The following CNTNAP2 variants were observed in gnomAD, a reference collection of about 807,000 sequenced individuals.
CNTNAP2 encodes the protein contactin associated protein 2.
A neutral mutation model predicts 155.2 loss-of-function variants in CNTNAP2; 98 were observed. The ratio of observed to expected loss-of-function variants is 0.63; its 90% confidence interval spans 0.54 to 0.75. The LOEUF (loss-of-function observed/expected upper bound fraction) is 0.75, where lower values mean the gene tolerates loss of function less well. CNTNAP2 is among the 30% of genes least tolerant of loss of function. The pLI, the probability that CNTNAP2 is intolerant of heterozygous loss-of-function variation, is 0.00. For missense variants in CNTNAP2, 1,727 were observed against 1,688.1 expected, an observed-to-expected ratio of 1.02 and a Z score of -0.40; for synonymous variants, 651 against 631.2, an observed-to-expected ratio of 1.03 and a Z score of -0.47.
At chr7:148,038,826 AGATGGATGGATG>A (rs58688357) in intron 15 of CNTNAP2, among the ~76,000 whole-genome samples, 67 of 147,818 alleles carry the variant, frequency 4.5e-4, no homozygotes, top group East Asian at 2.8e-3. Flanking sequence ...ATGGATGGAT[AGATGGATGGATG>A]GATGGATGGA....
intron 1 of CNTNAP2, among the ~76,000 whole-genome samples, chr7:146,506,147 G>C (rs924637233): frequency 9.2e-5 from 14 of 152,140 alleles, no homozygotes; most frequent in Non-Finnish European, 1.8e-4. Context: ...TGAATTGTAT[G>C]TTGTTGGTTG....
In CNTNAP2 at chr7:147,629,406, AAATAATAATAATAATAATAATAAT is replaced by A. The variant is rs56977512; in HGVS notation, c.1898-9680_1898-9657del. The stretch of plus-strand genomic sequence containing the variant: ...CAACAAGAGCAAAACTCTGTCTCAA[AAATAATAATAATAATAATAATAAT>A]AATAATAATAATAATAATAGACATA... On this transcript the variant is annotated intron_variant, in intron 12 of 23. Coordinates refer to ENST00000361727, the MANE Select transcript of CNTNAP2 (RefSeq NM_014141.6). Among the ~76,000 whole-genome samples the A allele has an allele frequency of 4.3e-3, 602 of 140,946 alleles. 3 individuals are homozygous for A. The highest frequency in any genetic ancestry group is 5.7e-3 in the Admixed American group (79 of 13,934). The allele number at this position is 140,946 out of a possible 152,430, so 92.5% of individuals were successfully genotyped here. A position where few individuals can be genotyped will look rare whatever the true frequency, so the allele number is the denominator to read the frequency against.
At chr7:146,649,850 C>T (rs555645837) in intron 1 of CNTNAP2, among the ~76,000 whole-genome samples, 1 of 151,908 alleles carries the variant, frequency 6.6e-6, no homozygotes, top group African/African-American at 2.4e-5. Flanking sequence ...GAGAAATATA[C>T]AGAATCTGAA....
At chr7:147,145,648 C>T (rs1563092776) in intron 8 of CNTNAP2, among the ~76,000 whole-genome samples, 2 of 152,118 alleles carry the variant, frequency 1.3e-5, no homozygotes, top group African/African-American at 4.8e-5. Context: ...CCTGTAGTCC[C>T]TTTTAGGTTT....
At chr7:148,229,205 T>C (rs1444335330) in intron 19 of CNTNAP2, among the ~76,000 whole-genome samples, 1 of 152,140 alleles carries the variant, frequency 6.6e-6, no homozygotes, top group Non-Finnish European at 1.5e-5. Context: ...ATGTTATCTG[T>C]GGACATCAAG....
At chr7:147,105,948 A>G (rs1800756802) in intron 4 of CNTNAP2, among the ~76,000 whole-genome samples, 1 of 152,024 alleles carries the variant, frequency 6.6e-6, no homozygotes, top group African/African-American at 2.4e-5. Flanking sequence ...AAAATAAGCC[A>G]TCTTCATCTT....
chr7:148,041,899 G>A (rs1802684031), intron 15 of CNTNAP2, among the ~76,000 whole-genome samples: 1 of 152,128 alleles, frequency 6.6e-6, no homozygotes, highest in Non-Finnish European at 1.5e-5. Context: ...TAAAAAACTG[G>A]ATATAACTTG....
intron 1 of CNTNAP2, among the ~76,000 whole-genome samples, chr7:146,361,387 T>C (rs1795080749): frequency 1.3e-5 from 2 of 152,154 alleles, no homozygotes; most frequent in Admixed American, 6.5e-5. Context: ...CCCCCACGTG[T>C]ACCAAGGGAC....
chr7:146,492,100 AAAAC>A (rs1018820617), intron 1 of CNTNAP2, among the ~76,000 whole-genome samples: 81 of 152,286 alleles, frequency 5.3e-4, no homozygotes, highest in East Asian at 3.1e-3. Context: ...AACGTGAGTA[AAAAC>A]AAACAAACAA....
intron 21 of CNTNAP2, among the ~76,000 whole-genome samples, chr7:148,311,213 G>A (rs1797589153): frequency 1.3e-5 from 2 of 152,152 alleles, no homozygotes; most frequent in Non-Finnish European, 2.9e-5. Flanking sequence ...AAGTAAATGA[G>A]TTCTTCAGGA....
chr7:147,484,644 A>G (rs979781816), intron 10 of CNTNAP2, among the ~76,000 whole-genome samples: 1 of 152,264 alleles, frequency 6.6e-6, no homozygotes, highest in African/African-American at 2.4e-5. Flanking sequence ...AGCTACTCAG[A>G]GCCAGGGGCT....
At chr7:146,729,652 A>T (rs866259175) in intron 1 of CNTNAP2, among the ~76,000 whole-genome samples, 1 of 152,130 alleles carries the variant, frequency 6.6e-6, no homozygotes, top group South Asian at 2.1e-4. Context: ...AACACAGGCT[A>T]GAGTTTATTA....
chr7:146,379,476 T>G (rs1016740517), intron 1 of CNTNAP2, among the ~76,000 whole-genome samples: 1 of 152,182 alleles, frequency 6.6e-6, no homozygotes, highest in African/African-American at 2.4e-5. Context: ...AAGATGAGAC[T>G]CTAGAAATAC....
chr7:147,510,790 A>G (rs919986440), intron 11 of CNTNAP2, among the ~76,000 whole-genome samples: 9 of 144,266 alleles, frequency 6.2e-5, no homozygotes, highest in Non-Finnish European at 1.4e-4. Context: ...ATTTTATTAC[A>G]ACACTCAATT....
chr7:146,608,737 C>T (rs1438249665), intron 1 of CNTNAP2, among the ~76,000 whole-genome samples: 2 of 152,064 alleles, frequency 1.3e-5, no homozygotes, highest in Non-Finnish European at 2.9e-5. Context: ...TTTTGGTATT[C>T]ATTGTTGATA....
At chr7:146,688,325 A>G (rs1336478751) in intron 1 of CNTNAP2, among the ~76,000 whole-genome samples, 1 of 152,126 alleles carries the variant, frequency 6.6e-6, no homozygotes, top group Non-Finnish European at 1.5e-5. Flanking sequence ...TCATCATGTT[A>G]TCACATACTG....
At chr7:148,362,896 T>A (rs892506188) in intron 21 of CNTNAP2, among the ~76,000 whole-genome samples, 1 of 152,230 alleles carries the variant, frequency 6.6e-6, no homozygotes, top group African/African-American at 2.4e-5. Flanking sequence ...GCAATACCCA[T>A]TCAGTAGAAA....
intron 1 of CNTNAP2, among the ~76,000 whole-genome samples, chr7:146,327,273 G>A (rs774816393): frequency 2.6e-5 from 4 of 152,172 alleles, no homozygotes; most frequent in Non-Finnish European, 5.9e-5. Context: ...ATAGTAGACT[G>A]TACTGTAAAC....
intron 3 of CNTNAP2, among the ~76,000 whole-genome samples, chr7:146,859,767 C>A (rs1192767261): frequency 1.3e-5 from 2 of 151,998 alleles, no homozygotes; most frequent in African/African-American, 4.8e-5. Flanking sequence ...ATACAGGAAC[C>A]ACAAATCATA....
Sources: gnomAD v4.1 joint callset for allele counts (sites outside exome capture counted in the v4.1 genomes callset) on GRCh38, gnomAD v4.1.1 for gene constraint, MANE v1.5 for transcripts, NCBI Gene and HGNC (gene_info 2026-07-23, HGNC 2026-07-21) for gene names.